The following RELL1 variants were observed in gnomAD, a reference collection of about 807,000 sequenced individuals.
RELL1 encodes RELT like 1.
Under a neutral mutation model 23.0 loss-of-function variants are expected in RELL1, and 10 were observed. The observed-to-expected ratio is 0.43, with a 90% CI of 0.27 to 0.74. The LOEUF is 0.74. Among genes scored for constraint, RELL1 ranks in the 30% least tolerant of loss-of-function variants. The pLI is 0.19. For synonymous variants in RELL1, 146 were observed against 146.8 expected, an observed-to-expected ratio of 0.99 and a Z score of 0.04; for missense variants, 315 against 364.4, an observed-to-expected ratio of 0.86 and a Z score of 1.10.
chr4:37,686,244 G>C lies in RELL1; in HGVS notation c.44C>G (p.Ala15Gly), dbSNP rs2109323929. ...ALPGSAVLAA[A>G]VFVGGAVSSP... Reference sequence around the variant, plus strand: ...ACTCACGGCGCCTCCCACGAAGACAGCAGCGGCTAGGACGGCGGACCCCGG... The same window carrying C: ...ACTCACGGCGCCTCCCACGAAGACACCAGCGGCTAGGACGGCGGACCCCGG... Residue 15 changes from alanine (A) to glycine (G), a missense_variant, in exon 1 of 7, where the codon GCT becomes GGT. Physicochemically the swap from Ala to Gly is moderately conservative, Grantham distance 60 (BLOSUM62 0). Coordinates refer to ENST00000454158, the MANE Select transcript of RELL1 (RefSeq NM_001085400.2). The C allele has an allele frequency of 6.3e-7, 1 of 1,579,494 alleles. No individual in the cohort carries two copies. Among genetic ancestry groups the C allele is most frequent in the African/African-American group, 1.4e-5 (1 of 71,978 alleles).
Position 37,649,262 on chromosome 4 carries a change from CCCTGGTT to C in RELL1, c.313+7_313+13del. 1 of 1,600,260 alleles carries C rather than the reference CCCTGGTT, an allele frequency of 6.2e-7. No homozygotes were observed. Among genetic ancestry groups the C allele is most frequent in the East Asian group, 2.2e-5 (1 of 44,814 alleles). On this transcript the variant is annotated splice_region_variant and intron_variant, in intron 2 of 6. Transcript: ENST00000454158. Reference sequence around the variant, plus strand: ...GTCTCCTCACCCCCAATAAAAAGAGCCCTGGTTATTTACCTATCTTTTCAACCTTTTC... The same window carrying C: ...GTCTCCTCACCCCCAATAAAAAGAGCATTTACCTATCTTTTCAACCTTTTC...
chr4:37,604,866 G>GACACACACACACAT, intron 6 of RELL1, among the ~76,000 whole-genome samples: 1 of 56,866 alleles, frequency 1.8e-5, no homozygotes, highest in South Asian at 7.9e-4. Flanking sequence ...CACACACACA[G>GACACACACACACAT]ACACACACAC....
intron 6 of RELL1, among the ~76,000 whole-genome samples, chr4:37,629,777 T>C (rs1373300116): frequency 1.3e-5 from 2 of 152,196 alleles, no homozygotes; most frequent in Non-Finnish European, 2.9e-5. Context: ...TTCAACCCTC[T>C]GAGCCCGGCA....
At chr4:37,678,841 C>T (rs1481635786) in intron 1 of RELL1, among the ~76,000 whole-genome samples, 1 of 152,102 alleles carries the variant, frequency 6.6e-6, no homozygotes, top group Non-Finnish European at 1.5e-5. Flanking sequence ...TTTTTTCTCT[C>T]TGTACAACAG....
At chr4:37,638,971 A>G (rs897925650) in intron 3 of RELL1, among the ~76,000 whole-genome samples, 1 of 152,210 alleles carries the variant, frequency 6.6e-6, no homozygotes, top group Non-Finnish European at 1.5e-5. Context: ...AATTAGCCCT[A>G]AACTCTGAAT....
At position 37,672,515 on chromosome 4, in the gene RELL1, CA is replaced by C. The variant is rs1393966788; in HGVS notation, c.88+13684del. On this transcript the variant is annotated intron_variant, in intron 1 of 6. Transcript: ENST00000454158. ...AGCACTGAACCAGTGTAGAAAAGAT[CA>C]ACCTTCTCAATCACAGGTTTGTGGC... Among the ~76,000 whole-genome samples the C allele has an allele frequency of 9.9e-4, 150 of 152,258 alleles. 3 individuals are homozygous for C. The highest frequency in any genetic ancestry group is 7.7e-4 in the East Asian group (4 of 5,188).
intron 1 of RELL1, among the ~76,000 whole-genome samples, chr4:37,650,416 T>C (rs1420797262): frequency 1.3e-5 from 2 of 152,142 alleles, no homozygotes; most frequent in South Asian, 2.1e-4. Flanking sequence ...GGGAACTGGA[T>C]AGAGTGATGA....
intron 6 of RELL1, among the ~76,000 whole-genome samples, chr4:37,595,474 T>A (rs1468398416): frequency 6.6e-6 from 1 of 151,908 alleles, no homozygotes; most frequent in Non-Finnish European, 1.5e-5. Flanking sequence ...ACATATTTGT[T>A]GATTGAAAGA....
chr4:37,595,361 G>A (rs189601550), intron 6 of RELL1, among the ~76,000 whole-genome samples: 1 of 152,234 alleles, frequency 6.6e-6, no homozygotes, highest in African/African-American at 2.4e-5. Flanking sequence ...TTAGTCACTT[G>A]GAGTCAACTA....
At chr4:37,669,653 TAGACATGGG>T (rs1384600091) in intron 1 of RELL1, among the ~76,000 whole-genome samples, 1 of 151,982 alleles carries the variant, frequency 6.6e-6, no homozygotes, top group African/African-American at 2.4e-5. Flanking sequence ...TAGAAAGAGG[TAGACATGGG>T]AGACTTTTCA....
At position 37,612,323 on chromosome 4, in the gene RELL1, AAAAAAAAAAAAAAAAC is replaced by A. The variant is rs1192333624; in HGVS notation, c.*1007_*1022del. On this transcript the variant is annotated 3_prime_UTR_variant, in exon 7 of 7. Coordinates refer to ENST00000454158, the MANE Select transcript of RELL1 (RefSeq NM_001085400.2). ...ACCAAGAATCGCTCAGCTAAAGGTT[AAAAAAAAAAAAAAAAC>A]AAAAAAAAACAAAAAACCGGGTGCA... is the stretch of plus-strand genomic sequence containing the variant. Among the ~76,000 whole-genome samples, 1 of 13,998 alleles carries A rather than the reference AAAAAAAAAAAAAAAAC, an allele frequency of 7.1e-5. No homozygotes were observed. The highest frequency in any genetic ancestry group is 2.4e-4 in the Non-Finnish European group (1 of 4,152). 9.2% of individuals were successfully genotyped at this position (13,998 alleles called of 152,430 possible). A position where few individuals can be genotyped will look rare whatever the true frequency, so the allele number is the denominator to read the frequency against.
chr4:37,662,520 G>A (rs6833516), intron 1 of RELL1, among the ~76,000 whole-genome samples: 34,951 of 151,166 alleles, frequency 0.23, 4,297 homozygotes, highest in African/African-American at 0.3. Context: ...CCTGAACCCC[G>A]GGTTGCTACC....
intron 6 of RELL1, among the ~76,000 whole-genome samples, chr4:37,604,852 G>GACACACACACAGACACACACACACAC (rs1719129837): frequency 7.4e-5 from 2 of 26,986 alleles, no homozygotes; most frequent in Admixed American, 8.4e-4. Context: ...CACACACACA[G>GACACACACACAGACACACACACACAC]ACACACACAC....
intron 3 of RELL1, among the ~76,000 whole-genome samples, 165 bp from the exon 4 acceptor site, chr4:37,638,669 T>C (rs1720418941): frequency 6.6e-6 from 1 of 152,144 alleles, no homozygotes; most frequent in African/African-American, 2.4e-5. Context: ...CTGCATAACA[T>C]GGCACCATCT....
chr4:37,667,919 T>C (rs1213760781), intron 1 of RELL1, among the ~76,000 whole-genome samples: 1 of 152,010 alleles, frequency 6.6e-6, no homozygotes, highest in Non-Finnish European at 1.5e-5. Context: ...GGATCAGATT[T>C]GTCATCACCC....
intron 6 of RELL1, among the ~76,000 whole-genome samples, chr4:37,617,545 G>A (rs1009585188): frequency 2.0e-5 from 3 of 152,214 alleles, no homozygotes; most frequent in African/African-American, 4.8e-5. Flanking sequence ...CACTTTGGGA[G>A]GCCAAGGTGG....
chr4:37,637,311 C>T (rs753430419), intron 4 of RELL1, among the ~76,000 whole-genome samples: 4 of 152,264 alleles, frequency 2.6e-5, no homozygotes, highest in East Asian at 1.9e-4. Context: ...GCCAGTTTGA[C>T]AAACACCTGT....
At chr4:37,632,408 G>A (rs1720175539) in intron 5 of RELL1, among the ~76,000 whole-genome samples, 1 of 152,136 alleles carries the variant, frequency 6.6e-6, no homozygotes, top group Non-Finnish European at 1.5e-5. Context: ...AACCTCAGGT[G>A]ATCCACCTGC....
intron 6 of RELL1, among the ~76,000 whole-genome samples, chr4:37,593,294 T>A (rs1444730807): frequency 6.6e-6 from 1 of 152,204 alleles, no homozygotes; most frequent in Admixed American, 6.5e-5. Flanking sequence ...CTGGAGTTAG[T>A]GATCCAGGGT....
Sources: gnomAD v4.1 joint callset for allele counts (sites outside exome capture counted in the v4.1 genomes callset) on GRCh38, gnomAD v4.1.1 for gene constraint, MANE v1.5 for transcripts, NCBI Gene and HGNC (gene_info 2026-07-23, HGNC 2026-07-21) for gene names.